Variants in NRXN3 observed in about 807,000 individuals in gnomAD.
The protein encoded by NRXN3 is neurexin 3, also known as neurexin III.
A neutral mutation model predicts 137.6 loss-of-function variants in NRXN3; 32 were observed. The ratio of observed to expected loss-of-function variants is 0.23; its 90% CI spans 0.18 to 0.31. The LOEUF is 0.31. NRXN3 is among the 10% of genes least tolerant of loss of function. NRXN3 has a pLI of 1.00. For missense variants in NRXN3, 1,574 were observed against 2,062.5 expected (o/e 0.76, Z 4.59); for synonymous variants, 798 against 784.5 (o/e 1.02, Z -0.29).
intron 15 of NRXN3, among the ~76,000 whole-genome samples, chr14:79,367,283 C>G (rs750024328): frequency 2.6e-5 from 4 of 152,098 alleles, no homozygotes; most frequent in Non-Finnish European, 5.9e-5. Context: ...ACGCCCTGCC[C>G]CCTTAGTCTG....
At chr14:79,507,771 G>A (rs2153684828) in intron 16 of NRXN3, among the ~76,000 whole-genome samples, 1 of 152,266 alleles carries the variant, frequency 6.6e-6, no homozygotes, top group South Asian at 2.1e-4. Flanking sequence ...GGGATAAAGA[G>A]CTATTCTCAA....
At position 78,550,105 on chromosome 14, in the gene NRXN3, C is replaced by A. The variant is rs117167455; in HGVS notation, c.758-95015C>A. ...TTGGAGTGCAGTAGTGCGATCACAG[C>A]ACACTGCAGCCTCAACCTCCCCAGG... On this transcript the variant is annotated intron_variant, in intron 4 of 20. Coordinates refer to ENST00000335750, the MANE Select transcript of NRXN3 (RefSeq NM_001330195.2). Among the ~76,000 whole-genome samples, 799 of 149,790 alleles carry A rather than the reference C, an allele frequency of 5.3e-3. 43 individuals carry two copies. The East Asian group carries it at 0.11, about 20-fold the overall frequency.
intron 15 of NRXN3, among the ~76,000 whole-genome samples, chr14:79,132,061 G>A (rs1199180224): frequency 6.6e-6 from 1 of 152,236 alleles, no homozygotes; most frequent in Non-Finnish European, 1.5e-5. Flanking sequence ...TGCACCCACT[G>A]ACCTGCGCGC....
intron 15 of NRXN3, among the ~76,000 whole-genome samples, chr14:79,221,389 A>G (rs1221563189): frequency 6.6e-6 from 1 of 152,084 alleles, no homozygotes; most frequent in African/African-American, 2.4e-5. Context: ...AAGCGTTCCT[A>G]TTTCTTCACA....
At chr14:79,376,401 A>G (rs1042413865) in intron 15 of NRXN3, among the ~76,000 whole-genome samples, 1 of 151,892 alleles carries the variant, frequency 6.6e-6, no homozygotes, top group Non-Finnish European at 1.5e-5. Context: ...ATTCATTCAC[A>G]CGGAAACGTG....
At chr14:78,394,951 C>G (rs777811789) in intron 4 of NRXN3, among the ~76,000 whole-genome samples, 1 of 151,704 alleles carries the variant, frequency 6.6e-6, no homozygotes, top group Non-Finnish European at 1.5e-5. Context: ...CAATTTGTGT[C>G]TTCTGTCTAA....
At chr14:79,436,481 A>G (rs755274422) in intron 15 of NRXN3, among the ~76,000 whole-genome samples, 1 of 152,124 alleles carries the variant, frequency 6.6e-6, no homozygotes, top group Non-Finnish European at 1.5e-5. Flanking sequence ...GCTGTTTGTA[A>G]CTATTTCAGA....
At chr14:79,254,774 G>A (rs2076363547) in intron 15 of NRXN3, among the ~76,000 whole-genome samples, 1 of 150,770 alleles carries the variant, frequency 6.6e-6, no homozygotes, top group South Asian at 2.1e-4. Context: ...TGATGCTTTG[G>A]GAGGCAATTT....
Position 79,160,530 on chromosome 14 carries a change from T to C in NRXN3, c.3262+172389T>C, listed in dbSNP as rs115140304. 2.4e-3 allele frequency among the ~76,000 whole-genome samples: 364 copies of C among 152,046 alleles called. 2 individuals are homozygous for C. Among genetic ancestry groups the C allele is most frequent in the African/African-American group, 8.2e-3 (339 of 41,520 alleles). On this transcript the variant is annotated intron_variant, in intron 15 of 20. Transcript: ENST00000335750. Reference sequence around the variant, plus strand: ...ACCATAAAGCATAAAGCAAAATCCTTCCCTCCTTTACTGAATGGATGGCTG... The same window carrying C: ...ACCATAAAGCATAAAGCAAAATCCTCCCCTCCTTTACTGAATGGATGGCTG...
intron 16 of NRXN3, among the ~76,000 whole-genome samples, chr14:79,478,059 T>G (rs2096575496): frequency 6.6e-6 from 1 of 151,600 alleles, no homozygotes; most frequent in Admixed American, 6.6e-5. Context: ...GGGCTAGAGG[T>G]GGGGGCCTAG....
chr14:78,621,036 G>A (rs1298020797), intron 4 of NRXN3, among the ~76,000 whole-genome samples: 4 of 152,144 alleles, frequency 2.6e-5, no homozygotes, highest in Admixed American at 6.5e-5. Context: ...TAATCCTTGT[G>A]GTATGAGCTG....
chr14:79,675,133 C>A (rs936635866), intron 17 of NRXN3, among the ~76,000 whole-genome samples: 2 of 151,956 alleles, frequency 1.3e-5, no homozygotes, highest in Non-Finnish European at 2.9e-5. Context: ...GGTGGCAGAA[C>A]CAACATTTGG....
At chr14:78,844,090 G>A (rs747983171) in intron 10 of NRXN3, among the ~76,000 whole-genome samples, 17 of 152,142 alleles carry the variant, frequency 1.1e-4, no homozygotes, top group South Asian at 8.3e-4. Context: ...AGGCTCTCAC[G>A]GTGACTCCAT....
chr14:78,325,596 C>G (rs1464377690), intron 4 of NRXN3, among the ~76,000 whole-genome samples: 3 of 151,820 alleles, frequency 2.0e-5, no homozygotes, highest in Non-Finnish European at 2.9e-5. Context: ...CCAGTCTGTA[C>G]CTGATGGAAT....
At chr14:79,781,017 A>G (rs2192426) in intron 19 of NRXN3, among the ~76,000 whole-genome samples, 79,081 of 151,984 alleles carry the variant, frequency 0.52, 21,132 homozygotes, top group Middle Eastern at 0.66. Flanking sequence ...ATCCAAGTGC[A>G]TTGAAACTTC....
Position 79,511,197 on chromosome 14 carries a change from G to T in NRXN3, c.3444+43795G>T, listed in dbSNP as rs923259016. Among the ~76,000 whole-genome samples, 6 of 152,318 alleles carry T rather than the reference G, an allele frequency of 3.9e-5. No homozygotes were observed. The East Asian group carries it at 9.6e-4, about 24-fold the overall frequency. On this transcript the variant is annotated intron_variant, in intron 16 of 20. Coordinates refer to ENST00000335750, the MANE Select transcript of NRXN3 (RefSeq NM_001330195.2). ...TCTGATCAGTTTCACTGGAAAGATA[G>T]CAAGTGGAAAAAGTGTGCAGAGATA... is the stretch of plus-strand genomic sequence containing the variant.
intron 10 of NRXN3, among the ~76,000 whole-genome samples, chr14:78,874,007 T>C (rs1303978558): frequency 6.6e-6 from 1 of 150,402 alleles, no homozygotes; most frequent in African/African-American, 2.5e-5. Flanking sequence ...AATGTCTCAC[T>C]GTGACCCAGG....
intron 19 of NRXN3, among the ~76,000 whole-genome samples, chr14:79,712,417 T>TAA (rs1347175797): frequency 6.6e-6 from 1 of 152,244 alleles, no homozygotes; most frequent in African/African-American, 2.4e-5. Context: ...TATGACTTTG[T>TAA]AATATCGCCT....
At position 79,284,343 on chromosome 14, in the gene NRXN3, CATATATATATATATATATATATAT is replaced by C. The variant is rs60596302; in HGVS notation, c.3263-182859_3263-182836del. Among the ~76,000 whole-genome samples, 93 of 65,102 alleles carry C rather than the reference CATATATATATATATATATATATAT, an allele frequency of 1.4e-3. 2 individuals are homozygous for C. The highest frequency in any genetic ancestry group is 2.5e-3 in the Admixed American group (10 of 4,074). The allele number at this position is 65,102 out of a possible 152,430, so 42.7% of individuals were successfully genotyped here. A position where few individuals can be genotyped will look rare whatever the true frequency, so the allele number is the denominator to read the frequency against. On this transcript the variant is annotated intron_variant, in intron 15 of 20. Coordinates refer to ENST00000335750, the MANE Select transcript of NRXN3 (RefSeq NM_001330195.2). ...GGAAACCCCGTCTCTACTAAAAATA[CATATATATATATATATATATATAT>C]ATATATATATATATATATGTATCTC...
Sources: gnomAD v4.1 joint callset for allele counts (sites outside exome capture counted in the v4.1 genomes callset) on GRCh38, gnomAD v4.1.1 for gene constraint, MANE v1.5 for transcripts, NCBI Gene and HGNC (gene_info 2026-07-23, HGNC 2026-07-21) for gene names.